The following ANAPC4 variants were observed in gnomAD, a reference collection of about 807,000 sequenced individuals.
ANAPC4 encodes anaphase-promoting complex subunit 4.
In ANAPC4, 63 loss-of-function variants were observed where a neutral mutation model predicts 119.8. That is an observed-to-expected ratio of 0.53 (90% CI 0.43 to 0.65). The LOEUF (loss-of-function observed/expected upper bound fraction) is 0.65, where lower values mean the gene tolerates loss of function less well. Among genes scored for constraint, ANAPC4 ranks in the 30% least tolerant of loss-of-function variants. The pLI, the probability that ANAPC4 is intolerant of heterozygous loss-of-function variation, is 0.00. For missense variants in ANAPC4, 716 were observed against 945.1 expected, an observed-to-expected ratio of 0.76 and a Z score of 3.18; for synonymous variants, 283 against 318.6, an observed-to-expected ratio of 0.89 and a Z score of 1.19.
chr4:25,408,249 T>G (rs1469672777), intron 20 of ANAPC4, among the ~76,000 whole-genome samples: 2 of 152,234 alleles, frequency 1.3e-5, no homozygotes, highest in African/African-American at 4.8e-5. Flanking sequence ...TCTTAAAGGT[T>G]TGTTTCAGTG....
intron 12 of ANAPC4, 79 bp downstream of exon 12, chr4:25,394,453 CATA>C: frequency 6.2e-6 from 8 of 1,283,564 alleles, no homozygotes; most frequent in Non-Finnish European, 8.5e-6. Flanking sequence ...AGTTTATAGT[CATA>C]GTATGTGATT....
intron 16 of ANAPC4, among the ~76,000 whole-genome samples, chr4:25,397,504 A>G (rs1465755174): frequency 6.6e-6 from 1 of 152,162 alleles, no homozygotes; most frequent in Non-Finnish European, 1.5e-5. Flanking sequence ...TTCTTGGCTT[A>G]TTTAATCATT....
intron 4 of ANAPC4, among the ~76,000 whole-genome samples, chr4:25,388,224 G>T (rs1430289655): frequency 6.6e-6 from 1 of 152,196 alleles, no homozygotes; most frequent in Non-Finnish European, 1.5e-5. Context: ...ACATATGAAT[G>T]CATTTCATAT....
At chr4:25,413,569 CAGT>C in intron 21 of ANAPC4, 73 bp from the exon 22 acceptor site, 1 of 1,084,856 alleles carries the variant, frequency 9.2e-7, no homozygotes, top group Non-Finnish European at 1.3e-6. Flanking sequence ...CTGGCTCTAA[CAGT>C]AGATTATTTT....
intron 10 of ANAPC4, 58 bp from the exon 11 acceptor site, chr4:25,393,747 A>T: frequency 9.9e-7 from 1 of 1,014,908 alleles, no homozygotes; most frequent in Non-Finnish European, 1.5e-6. Flanking sequence ...CATATTATTT[A>T]GATAGCAAGT....
At chr4:25,380,533 G>A (rs1721657390) in intron 3 of ANAPC4, 54 bp downstream of exon 3, 1 of 1,301,524 alleles carries the variant, frequency 7.7e-7, no homozygotes, top group East Asian at 2.5e-5. Context: ...AGAGTATTCT[G>A]TAAAGCCCAT....
intron 3 of ANAPC4, 62 bp from the exon 4 acceptor site, chr4:25,383,199 A>G (rs1721840894): frequency 1.7e-5 from 25 of 1,440,894 alleles, no homozygotes; most frequent in Non-Finnish European, 2.0e-5. Flanking sequence ...AATAAGGGAA[A>G]TACCCATTTA....
At chr4:25,408,766 G>A (rs767886524) in intron 20 of ANAPC4, among the ~76,000 whole-genome samples, 6 of 151,804 alleles carry the variant, frequency 4.0e-5, no homozygotes, top group Non-Finnish European at 5.9e-5. Flanking sequence ...CCTAAAGTGC[G>A]GGGATTACAG....
rs1722682229 is a variant in ANAPC4, at chr4:25,396,890, A to G, written c.1205A>G (p.Glu402Gly). 6.2e-7 allele frequency: 1 copy of G among 1,612,284 alleles called. No homozygotes were observed. The highest frequency in any genetic ancestry group is 1.3e-5 in the African/African-American group (1 of 74,766). ...AVGSFILKAN[E>G]LLQVIDSSMK... The stretch of plus-strand genomic sequence containing the variant: ...GGTTCTTTTATACTCAAGGCAAATG[A>G]ACTTCTTCAGTAAGTATTGGGAGTA... The change falls in exon 16 of 29, where the codon GAA (glutamate) becomes GGA (glycine). Residue 402 changes from glutamate to glycine, a missense_variant. Around this residue, in one of 3 missense-constraint regions of ANAPC4, gnomAD observed 504 missense variants for 615.8 expected, o/e 0.82. Transcript: ENST00000315368.
chr4:25,396,186 C>T (rs1406631878), intron 14 of ANAPC4, among the ~76,000 whole-genome samples: 1 of 152,202 alleles, frequency 6.6e-6, no homozygotes, highest in Non-Finnish European at 1.5e-5. Flanking sequence ...GTGTTTCCTT[C>T]AAGGCATTTA....
intron 21 of ANAPC4, among the ~76,000 whole-genome samples, chr4:25,412,117 A>G (rs563974855): frequency 6.6e-6 from 1 of 152,188 alleles, no homozygotes; most frequent in South Asian, 2.1e-4. Flanking sequence ...AAACTCCGGG[A>G]AACATATAAT....
At chr4:25,415,376 C>A in intron 25 of ANAPC4, 90 bp from the exon 26 acceptor site, 1 of 975,270 alleles carries the variant, frequency 1.0e-6, no homozygotes, top group Middle Eastern at 2.1e-4. Context: ...CATGTACTGA[C>A]CCTGACAATC....
chr4:25,391,197 A>G (rs897872600), intron 9 of ANAPC4, among the ~76,000 whole-genome samples, 182 bp downstream of exon 9: 2 of 152,200 alleles, frequency 1.3e-5, no homozygotes, highest in Non-Finnish European at 2.9e-5. Context: ...TATTCTTCCC[A>G]TGCTCCAATA....
At chr4:25,414,210 G>C in intron 22 of ANAPC4, 114 bp from the exon 23 acceptor site, 1 of 677,776 alleles carries the variant, frequency 1.5e-6, no homozygotes, top group Non-Finnish European at 2.3e-6. Context: ...ACAAGGTTTG[G>C]TGATGTAGGC....
intron 10 of ANAPC4, among the ~76,000 whole-genome samples, chr4:25,393,042 C>T (rs566814996): frequency 6.6e-6 from 1 of 152,294 alleles, no homozygotes; most frequent in Admixed American, 6.5e-5. Context: ...AAGCGAGACT[C>T]AAGGGCTGAA....
At chr4:25,398,548 G>T (rs964160316) in intron 16 of ANAPC4, among the ~76,000 whole-genome samples, 8 of 152,162 alleles carry the variant, frequency 5.3e-5, no homozygotes, top group African/African-American at 1.7e-4. Context: ...GGTGATAGAG[G>T]ATGGCCAGGT....
chr4:25,385,411 G>A (rs1025018382), intron 4 of ANAPC4, among the ~76,000 whole-genome samples: 18 of 152,194 alleles, frequency 1.2e-4, no homozygotes, highest in Admixed American at 1.0e-3. Flanking sequence ...TTTCTTCAGT[G>A]ATTTAGCTGG....
At chr4:25,386,570 A>G (rs926323071) in intron 4 of ANAPC4, among the ~76,000 whole-genome samples, 7 of 152,218 alleles carry the variant, frequency 4.6e-5, no homozygotes, top group African/African-American at 1.4e-4. Flanking sequence ...TAATAGTAAC[A>G]TCAAAGATTA....
Position 25,377,461 on chromosome 4 carries a change from C to G in ANAPC4, c.34C>G (p.Arg12Gly). 1.2e-6 allele frequency: 2 copies of G among 1,614,118 alleles called. No homozygotes were observed. Among genetic ancestry groups the G allele is most frequent in the Admixed American group, 1.7e-5 (1 of 60,030 alleles). The change falls in exon 2 of 29, where the codon CGG (arginine) becomes GGG (glycine). Residue 12 changes from arginine (R) to glycine (G), a missense_variant. By Grantham distance (125) the Arg-to-Gly change is moderately radical. This residue lies in a region of ANAPC4 where 202 missense variants were observed against 293.5 expected (regional missense o/e 0.69). Coordinates refer to ENST00000315368, the MANE Select transcript of ANAPC4 (RefSeq NM_013367.3). ...LRFPTCFPSF[R>G]VVGEKQLPQE... Reference sequence around the variant, plus strand: ...TTTTCCGACCTGTTTCCCATCCTTCCGGGTGGTGGGAGAGAAGCAGCTCCC... The same window carrying G: ...TTTTCCGACCTGTTTCCCATCCTTCGGGGTGGTGGGAGAGAAGCAGCTCCC...
Sources: allele counts gnomAD v4.1 joint callset (sites outside exome capture counted in the v4.1 genomes callset), GRCh38; gene constraint gnomAD v4.1.1; regional missense constraint gnomAD v4.1.1; transcripts MANE v1.5; gene names NCBI Gene and HGNC (gene_info 2026-07-23, HGNC 2026-07-21).